Variants in LAPTM4B observed in about 807,000 individuals in gnomAD.
LAPTM4B encodes lysosomal protein transmembrane 4 beta.
In LAPTM4B, 26 loss-of-function variants were observed where a neutral mutation model predicts 28.5. The observed-to-expected ratio is 0.91, with a 90% CI of 0.67 to 1.27. The LOEUF (loss-of-function observed/expected upper bound fraction) is 1.27. LAPTM4B is among the 50% of genes most tolerant of loss of function. The probability of loss-of-function intolerance (pLI) is 0.00; values close to 1 mark genes in which losing one functional copy is unlikely to be tolerated. For missense variants in LAPTM4B, 288 were observed against 285.8 expected (o/e 1.01, Z -0.06); for synonymous variants, 109 against 106.4 (o/e 1.02, Z -0.15).
intron 6 of LAPTM4B, among the ~76,000 whole-genome samples, chr8:97,825,986 CTAGAG>C (rs1304453454): frequency 3.3e-5 from 5 of 152,286 alleles, no homozygotes; most frequent in East Asian, 1.9e-4. Flanking sequence ...CAAATTTATA[CTAGAG>C]TAGAGTTTTG....
chr8:97,776,245 T>G (rs1398968654), intron 1 of LAPTM4B, 137 bp downstream of exon 1: 2 of 1,114,800 alleles, frequency 1.8e-6, no homozygotes, highest in East Asian at 6.5e-5. Flanking sequence ...ATTCTCCGGG[T>G]GCCGCGTCCG....
chr8:97,777,950 T>TA (rs1816252405), intron 1 of LAPTM4B, among the ~76,000 whole-genome samples: 1 of 152,204 alleles, frequency 6.6e-6, no homozygotes, highest in African/African-American at 2.4e-5. Flanking sequence ...ACGTAATTTG[T>TA]AAAATCTAGG....
rs150935632 is a variant in LAPTM4B at position 97,798,833 on chromosome 8, A to C, written c.100-6520A>C. ...GGGCACACATGAATACCACAGGGCA[A>C]GTACAAAGAGAAGGGTTAGAGGCCA... On this transcript the variant is annotated intron_variant, in intron 1 of 6. Coordinates refer to ENST00000521545, the MANE Select transcript of LAPTM4B (RefSeq NM_018407.6). 6.0e-3 allele frequency among the ~76,000 whole-genome samples: 915 copies of C among 152,350 alleles called. 14 individuals carry two copies. Among genetic ancestry groups the C allele is most frequent in the African/African-American group, 0.02 (843 of 41,580 alleles).
At chr8:97,801,095 T>G (rs746543506) in intron 1 of LAPTM4B, among the ~76,000 whole-genome samples, 1 of 152,108 alleles carries the variant, frequency 6.6e-6, no homozygotes, top group African/African-American at 2.4e-5. Context: ...AATCCCAAAT[T>G]TATGTTTTTT....
chr8:97,786,717 A>AC (rs1554589062), intron 1 of LAPTM4B, among the ~76,000 whole-genome samples: 56 of 150,270 alleles, frequency 3.7e-4, no homozygotes, highest in Admixed American at 7.4e-4. Context: ...AAAAAAAAAA[A>AC]CCATTAACCT....
chr8:97,841,493 A>G (rs1360384380), intron 6 of LAPTM4B, among the ~76,000 whole-genome samples: 1 of 152,102 alleles, frequency 6.6e-6, no homozygotes, highest in Admixed American at 6.5e-5. Context: ...ACGCCCAGCT[A>G]ATTTTTGTAG....
intron 2 of LAPTM4B, among the ~76,000 whole-genome samples, chr8:97,810,463 G>A (rs1196045196): frequency 6.6e-6 from 1 of 152,188 alleles, no homozygotes. Flanking sequence ...TGTTAATAGG[G>A]GAAGCAGGGT....
chr8:97,785,470 CT>C (rs1563600684), intron 1 of LAPTM4B, among the ~76,000 whole-genome samples: 1 of 152,172 alleles, frequency 6.6e-6, no homozygotes, highest in Non-Finnish European at 1.5e-5. Flanking sequence ...CTCGGATTCA[CT>C]TTAAATATAT....
At position 97,805,401 on chromosome 8, in the gene LAPTM4B, C is replaced by G. The variant is rs1204676376; in HGVS notation, c.148C>G (p.Pro50Ala). Reference protein sequence around the residue: ...LLILLSALADPDQYNFSSSEL... With the variant: ...LLILLSALADADQYNFSSSEL... ...GATTTTATTGAGTGCCCTGGCTGATCCGGATCAGTATAACTTTTCAAGTTC... is the reference window on the plus strand; with the variant it reads ...GATTTTATTGAGTGCCCTGGCTGATGCGGATCAGTATAACTTTTCAAGTTC... The change falls in exon 2 of 7, where the codon CCG becomes GCG. Residue 50 changes from proline to alanine, a missense_variant. Transcript: ENST00000521545. 2 of 1,608,096 alleles carry G rather than the reference C, an allele frequency of 1.2e-6. No homozygotes were observed. The highest frequency in any genetic ancestry group is 1.4e-5 in the African/African-American group (1 of 73,292).
At chr8:97,779,759 A>G (rs945185808) in intron 1 of LAPTM4B, among the ~76,000 whole-genome samples, 3 of 151,848 alleles carry the variant, frequency 2.0e-5, no homozygotes, top group Admixed American at 6.6e-5. Context: ...TATCTAAAAA[A>G]AAAAAAAAAA....
intron 1 of LAPTM4B, among the ~76,000 whole-genome samples, chr8:97,800,711 A>G (rs1196335324): frequency 6.6e-6 from 1 of 151,820 alleles, no homozygotes; most frequent in Non-Finnish European, 1.5e-5. Flanking sequence ...GGTCAGGCTC[A>G]TCTTAAACTC....
At position 97,805,466 on chromosome 8, in the gene LAPTM4B, T is replaced by G. The variant is rs146674780; in HGVS notation, c.211+2T>G. 1.4e-6 allele frequency: 2 copies of G among 1,468,058 alleles called. No individual in the cohort carries two copies. The highest frequency in any genetic ancestry group is 1.9e-6 in the Non-Finnish European group (2 of 1,049,782). The allele number at this position is 1,468,058 out of a possible 1,614,324, so 90.9% of individuals were successfully genotyped here. ...ACTTTGAGTTCATGGATGATGCCAG[T>G]AAGTAGTAGATATTTGGGTATTTTC... is the stretch of plus-strand genomic sequence containing the variant. On this transcript the variant is annotated splice_donor_variant, in intron 2 of 6. Transcript: ENST00000521545. LOFTEE classifies it high-confidence loss of function.
intron 6 of LAPTM4B, among the ~76,000 whole-genome samples, chr8:97,839,246 G>A (rs749335551): frequency 5.1e-4 from 78 of 152,222 alleles, no homozygotes; most frequent in Non-Finnish European, 6.8e-4. Flanking sequence ...CCAGGCTGGA[G>A]TGCAATGGCG....
At chr8:97,805,553 C>A in intron 2 of LAPTM4B, 89 bp downstream of exon 2, 1 of 755,842 alleles carries the variant, frequency 1.3e-6, no homozygotes, top group African/African-American at 1.7e-5. Context: ...CTCGTGAGTT[C>A]ATTTGAGCTG....
At chr8:97,778,499 CCAG>C (rs1816260906) in intron 1 of LAPTM4B, among the ~76,000 whole-genome samples, 1 of 152,090 alleles carries the variant, frequency 6.6e-6, no homozygotes, top group Non-Finnish European at 1.5e-5. Context: ...AAGCTGACTC[CCAG>C]CACATCCAAG....
intron 1 of LAPTM4B, among the ~76,000 whole-genome samples, chr8:97,787,466 A>G (rs1816422210): frequency 6.6e-6 from 1 of 151,628 alleles, no homozygotes; most frequent in Non-Finnish European, 1.5e-5. Context: ...TTGTATTTTT[A>G]GTAGAGACAG....
At chr8:97,789,046 A>C (rs1816454686) in intron 1 of LAPTM4B, among the ~76,000 whole-genome samples, 1 of 12,042 alleles carries the variant, frequency 8.3e-5, no homozygotes, top group Non-Finnish European at 1.4e-4. Context: ...CTCTTTATTT[A>C]TTTATTTATT....
chr8:97,848,045 C>A (rs371364948), intron 6 of LAPTM4B, among the ~76,000 whole-genome samples: 2 of 152,190 alleles, frequency 1.3e-5, no homozygotes, highest in Non-Finnish European at 2.9e-5. Flanking sequence ...AGTCGGATCA[C>A]CTGAGGGCAG....
At chr8:97,843,625 C>CA (rs1350860347) in intron 6 of LAPTM4B, among the ~76,000 whole-genome samples, 2 of 151,764 alleles carry the variant, frequency 1.3e-5, no homozygotes, top group African/African-American at 4.8e-5. Context: ...ACTAGAAATA[C>CA]AAAAATTAGC....
Sources: gnomAD v4.1 joint callset for allele counts (sites outside exome capture counted in the v4.1 genomes callset) on GRCh38, gnomAD v4.1.1 for gene constraint, MANE v1.5 for transcripts, NCBI Gene and HGNC (gene_info 2026-07-23, HGNC 2026-07-21) for gene names.